The following PDZD8 variants were observed in gnomAD, a reference collection of about 807,000 sequenced individuals.
The protein encoded by PDZD8 is PDZ domain-containing protein 8.
Under a neutral mutation model 85.8 loss-of-function variants are expected in PDZD8, and 14 were observed. The ratio of observed to expected loss-of-function variants is 0.16; its 90% CI spans 0.11 to 0.26. The LOEUF (loss-of-function observed/expected upper bound fraction) is 0.26, where lower values mean the gene tolerates loss of function less well. Ranked by LOEUF, PDZD8 falls within the 10% of genes least tolerant of loss-of-function variation. The probability of loss-of-function intolerance (pLI) is 1.00; values close to 1 mark genes in which losing one functional copy is unlikely to be tolerated. For missense variants in PDZD8, 1,197 were observed against 1,424.3 expected (o/e 0.84, Z 2.57); for synonymous variants, 592 against 568.6 (o/e 1.04, Z -0.59).
intron 3 of PDZD8, among the ~76,000 whole-genome samples, chr10:117,302,044 T>C (rs1313662620): frequency 1.3e-5 from 2 of 152,178 alleles, no homozygotes; most frequent in Non-Finnish European, 2.9e-5. Flanking sequence ...ATAAAACAAT[T>C]TCTAGGTTCT....
chr10:117,303,738 G>A (rs964781483), intron 3 of PDZD8, among the ~76,000 whole-genome samples: 5 of 152,268 alleles, frequency 3.3e-5, no homozygotes, highest in Admixed American at 2.0e-4. Flanking sequence ...CACTCCAGCT[G>A]TGGCTGAAAG....
intron 2 of PDZD8, among the ~76,000 whole-genome samples, chr10:117,334,431 C>T (rs1456278610): frequency 6.6e-6 from 1 of 152,090 alleles, no homozygotes; most frequent in Non-Finnish European, 1.5e-5. Context: ...ATCGCTTGAG[C>T]CCAGGAGGTC....
chr10:117,339,276 A>T (rs1177445679), intron 2 of PDZD8, among the ~76,000 whole-genome samples: 1 of 152,224 alleles, frequency 6.6e-6, no homozygotes, highest in Non-Finnish European at 1.5e-5. Flanking sequence ...TGGAAATAAA[A>T]GTCATATGTA....
At chr10:117,318,158 T>C (rs1235398591) in intron 3 of PDZD8, among the ~76,000 whole-genome samples, 7 of 152,198 alleles carry the variant, frequency 4.6e-5, no homozygotes, top group Admixed American at 4.6e-4. Context: ...AAAATAATTA[T>C]TCACTATCTG....
intron 1 of PDZD8, among the ~76,000 whole-genome samples, chr10:117,352,282 C>T (rs1844818627): frequency 6.6e-6 from 1 of 152,180 alleles, no homozygotes; most frequent in Non-Finnish European, 1.5e-5. Context: ...CTACTGTTAA[C>T]TGCAGTTGAG....
intron 3 of PDZD8, among the ~76,000 whole-genome samples, chr10:117,298,033 T>C (rs1367389661): frequency 6.6e-6 from 1 of 152,136 alleles, no homozygotes; most frequent in African/African-American, 2.4e-5. Context: ...CTTAAGTTAA[T>C]AAGGAAGAAA....
At position 117,277,822 on chromosome 10, in the gene PDZD8, C is replaced by T. The variant is rs904056064; in HGVS notation, c.*5446G>A. 6.6e-6 allele frequency: 1 copy of T among 152,128 alleles called. No individual in the cohort carries two copies. The highest frequency in any genetic ancestry group is 1.5e-5 in the Non-Finnish European group (1 of 68,022). 9.4% of individuals were successfully genotyped at this position (152,128 alleles called of 1,614,324 possible). ...TTCTCTCAAGTGTAGAGGACAAGAACTTGTGTCAGTTATCTTTTGAATCCA... is the reference window on the plus strand; with the variant it reads ...TTCTCTCAAGTGTAGAGGACAAGAATTTGTGTCAGTTATCTTTTGAATCCA... On this transcript the variant is annotated 3_prime_UTR_variant, in exon 5 of 5. Coordinates refer to ENST00000334464, the MANE Select transcript of PDZD8 (RefSeq NM_173791.5).
chr10:117,285,958 T>C (rs1565016825), intron 4 of PDZD8, among the ~76,000 whole-genome samples: 1 of 152,232 alleles, frequency 6.6e-6, no homozygotes, highest in African/African-American at 2.4e-5. Context: ...AGAGCAGTGC[T>C]TGAAAATAAT....
intron 1 of PDZD8, among the ~76,000 whole-genome samples, chr10:117,369,672 C>A (rs1845156214): frequency 6.6e-6 from 1 of 152,086 alleles, no homozygotes; most frequent in Non-Finnish European, 1.5e-5. Flanking sequence ...CAATTAAGCA[C>A]AGCAAATAAG....
intron 1 of PDZD8, among the ~76,000 whole-genome samples, chr10:117,372,251 A>T (rs1845206601): frequency 6.6e-6 from 1 of 152,216 alleles, no homozygotes; most frequent in Non-Finnish European, 1.5e-5. Flanking sequence ...TGCTGTTTTT[A>T]AAAAAATCCC....
At chr10:117,323,397 C>T (rs555623854) in intron 2 of PDZD8, among the ~76,000 whole-genome samples, 13 of 152,312 alleles carry the variant, frequency 8.5e-5, no homozygotes, top group African/African-American at 3.1e-4. Context: ...AATATTCAGT[C>T]TACTACCGTT....
At chr10:117,357,531 C>T (rs996643892) in intron 1 of PDZD8, among the ~76,000 whole-genome samples, 29 of 151,756 alleles carry the variant, frequency 1.9e-4, no homozygotes, top group African/African-American at 6.8e-4. Context: ...TTTGGGAGGC[C>T]GAGGTGGGCA....
In PDZD8 at chr10:117,284,558, A is replaced by G. The variant is rs1282922588; in HGVS notation, c.2175T>C (p.Gly725=). The G allele has an allele frequency of 1.2e-6, 2 of 1,613,776 alleles. No individual in the cohort carries two copies. The highest frequency in any genetic ancestry group is 8.5e-7 in the Non-Finnish European group (1 of 1,179,990). Residue 725 remains glycine (G), a synonymous_variant, in exon 5 of 5, where the codon GGT becomes GGC. Coordinates refer to ENST00000334464, the MANE Select transcript of PDZD8 (RefSeq NM_173791.5). ...AACTAACATGCCCCAAACAGATGAG[A>G]CCTCCCAACTTGAAAGGATCCCTGC... ...LWCRDPFKLG[G]LICLGHVSLK... is the part of the protein sequence containing the mutation.
chr10:117,304,625 T>C (rs1843903718), intron 3 of PDZD8, among the ~76,000 whole-genome samples: 1 of 152,146 alleles, frequency 6.6e-6, no homozygotes, highest in Non-Finnish European at 1.5e-5. Context: ...TTCCCATGTG[T>C]TGTGGGAGGG....
At position 117,291,857 on chromosome 10, in the gene PDZD8, T is replaced by TAA. The variant is rs55646633; in HGVS notation, c.1099-1511_1099-1510dup. 1.2e-3 allele frequency among the ~76,000 whole-genome samples: 174 copies of TAA among 146,862 alleles called. 1 individual carries two copies. The highest frequency in any genetic ancestry group is 3.5e-3 in the Middle Eastern group (1 of 286). On this transcript the variant is annotated intron_variant, in intron 3 of 4. Coordinates refer to ENST00000334464, the MANE Select transcript of PDZD8 (RefSeq NM_173791.5). ...TGTGTCCTCATTCAAACAACTGATTTAAAAAAAAAAAACAGGCAGAGTGCT... is the reference window on the plus strand; with the variant it reads ...TGTGTCCTCATTCAAACAACTGATTTAAAAAAAAAAAAAACAGGCAGAGTGCT...
At chr10:117,305,303 T>C (rs1009994297) in intron 3 of PDZD8, among the ~76,000 whole-genome samples, 1 of 151,854 alleles carries the variant, frequency 6.6e-6, no homozygotes, top group South Asian at 2.1e-4. Context: ...TCCCACCTAC[T>C]TGGGAGGCTG....
intron 2 of PDZD8, among the ~76,000 whole-genome samples, chr10:117,325,387 A>G (rs2133820375): frequency 6.7e-6 from 1 of 148,514 alleles, no homozygotes; most frequent in South Asian, 2.1e-4. Context: ...ACCTATCAAA[A>G]GTTCCAGAAA....
intron 2 of PDZD8, among the ~76,000 whole-genome samples, chr10:117,329,969 GA>G (rs1241290706): frequency 1.0e-4 from 3 of 29,748 alleles, no homozygotes; most frequent in Non-Finnish European, 2.5e-4. Context: ...GGGAGGAAGG[GA>G]AGGAAGGAAG....
At chr10:117,326,362 A>C (rs1468045042) in intron 2 of PDZD8, among the ~76,000 whole-genome samples, 1 of 152,226 alleles carries the variant, frequency 6.6e-6, no homozygotes, top group Non-Finnish European at 1.5e-5. Context: ...TGCCATAACC[A>C]GAGACATTAA....
Sources: gnomAD v4.1 joint callset for allele counts (sites outside exome capture counted in the v4.1 genomes callset) on GRCh38, gnomAD v4.1.1 for gene constraint, MANE v1.5 for transcripts, NCBI Gene and HGNC (gene_info 2026-07-23, HGNC 2026-07-21) for gene names.